The following MAGI2 variants were observed in gnomAD, a reference collection of about 807,000 sequenced individuals.
MAGI2 encodes the protein membrane-associated guanylate kinase, WW and PDZ domain-containing protein 2.
A neutral mutation model predicts 133.3 loss-of-function variants in MAGI2; 35 were observed. The observed-to-expected ratio is 0.26, with a 90% CI of 0.20 to 0.35. MAGI2 has a LOEUF of 0.35. Among genes scored for constraint, MAGI2 ranks in the 10% least tolerant of loss-of-function variants. The pLI is 1.00. For synonymous variants in MAGI2, 729 were observed against 710.6 expected (o/e 1.03, Z -0.41); for missense variants, 1,636 against 1,863.4 (o/e 0.88, Z 2.25).
intron 1 of MAGI2, among the ~76,000 whole-genome samples, chr7:79,171,972 G>A (rs1212164250): frequency 6.6e-6 from 1 of 151,162 alleles, no homozygotes; most frequent in African/African-American, 2.4e-5. Flanking sequence ...TGCCCTTACA[G>A]CTTTAGGCCT....
chr7:78,776,520 T>TA (rs1826001673), intron 2 of MAGI2, among the ~76,000 whole-genome samples: 1 of 152,236 alleles, frequency 6.6e-6, no homozygotes, highest in Non-Finnish European at 1.5e-5. Flanking sequence ...TCATTTTTCT[T>TA]AAAAAACAAT....
intron 2 of MAGI2, among the ~76,000 whole-genome samples, chr7:78,910,116 C>A (rs1003023179): frequency 6.6e-6 from 1 of 151,890 alleles, no homozygotes; most frequent in Non-Finnish European, 1.5e-5. Flanking sequence ...AGGGGAGCAA[C>A]ACATTCTGGG....
At chr7:79,173,145 A>T (rs1372478373) in intron 1 of MAGI2, among the ~76,000 whole-genome samples, 18 of 152,016 alleles carry the variant, frequency 1.2e-4, no homozygotes. Flanking sequence ...AAATAATAGA[A>T]AACATTTTAT....
At chr7:79,450,688 T>C in intron 1 of MAGI2, among the ~76,000 whole-genome samples, 1 of 152,146 alleles carries the variant, frequency 6.6e-6, no homozygotes, top group East Asian at 1.9e-4. Context: ...TAAAATTCAA[T>C]ACAAGAGTGA....
intron 1 of MAGI2, among the ~76,000 whole-genome samples, chr7:79,020,505 G>T (rs1198016395): frequency 6.6e-6 from 1 of 152,148 alleles, no homozygotes; most frequent in East Asian, 1.9e-4. Flanking sequence ...GGTGGCTGAT[G>T]CCTGTAATCC....
intron 1 of MAGI2, among the ~76,000 whole-genome samples, chr7:79,165,310 T>C (rs761108135): frequency 2.6e-5 from 4 of 151,960 alleles, no homozygotes; most frequent in Non-Finnish European, 5.9e-5. Context: ...GCTGTACTAA[T>C]AGAGATCCTC....
chr7:79,312,282 C>T (rs978173734), intron 1 of MAGI2, among the ~76,000 whole-genome samples: 13 of 152,130 alleles, frequency 8.5e-5, no homozygotes, highest in Non-Finnish European at 1.6e-4. Context: ...GATGATCTCC[C>T]CACCCACTAT....
intron 1 of MAGI2, among the ~76,000 whole-genome samples, chr7:79,021,892 A>G (rs6945664): frequency 0.59 from 89,358 of 151,984 alleles, 26,599 homozygotes; most frequent in East Asian, 0.63. Flanking sequence ...CAATATGTCA[A>G]GGGTGGGACC....
chr7:78,686,892 G>A (rs1374248554), intron 2 of MAGI2, among the ~76,000 whole-genome samples: 1 of 152,174 alleles, frequency 6.6e-6, no homozygotes, highest in Non-Finnish European at 1.5e-5. Context: ...TTCCCCTTCA[G>A]AGGTACTAAG....
chr7:78,426,523 G>A (rs1433998644), intron 6 of MAGI2, among the ~76,000 whole-genome samples: 1 of 152,010 alleles, frequency 6.6e-6, no homozygotes, highest in African/African-American at 2.4e-5. Context: ...GAGTTAGTGG[G>A]TGCAGCGCAC....
chr7:79,030,477 C>G (rs1401922023), intron 1 of MAGI2: 1 of 152,196 alleles, frequency 6.6e-6, no homozygotes, highest in Non-Finnish European at 1.5e-5. Context: ...GGCAACCTGA[C>G]AGACCACAGG....
chr7:78,622,136 G>C (rs1807813817), intron 3 of MAGI2, among the ~76,000 whole-genome samples: 1 of 152,010 alleles, frequency 6.6e-6, no homozygotes, highest in African/African-American at 2.4e-5. Context: ...TGAGCAAGAA[G>C]AAACAGGGTT....
At chr7:79,014,351 C>T (rs1330231612) in intron 1 of MAGI2, among the ~76,000 whole-genome samples, 1 of 152,038 alleles carries the variant, frequency 6.6e-6, no homozygotes, top group Non-Finnish European at 1.5e-5. Flanking sequence ...TCAGTACATG[C>T]CAGGCATCAT....
At chr7:78,265,455 A>G (rs191381455) in intron 9 of MAGI2, among the ~76,000 whole-genome samples, 114 of 152,338 alleles carry the variant, frequency 7.5e-4, no homozygotes, top group Middle Eastern at 3.4e-3. Context: ...TCATTTCTCT[A>G]AAGAATGTAG....
chr7:78,265,496 T>C (rs1271064851), intron 9 of MAGI2, among the ~76,000 whole-genome samples: 2 of 152,202 alleles, frequency 1.3e-5, no homozygotes, highest in African/African-American at 4.8e-5. Flanking sequence ...GCAAACATTT[T>C]ATCAGAGGGG....
chr7:79,214,938 T>C (rs947623556), intron 1 of MAGI2, among the ~76,000 whole-genome samples: 2 of 148,174 alleles, frequency 1.3e-5, no homozygotes, highest in African/African-American at 4.9e-5. Flanking sequence ...ATATATAACA[T>C]ATAAACATAT....
intron 21 of MAGI2, among the ~76,000 whole-genome samples, chr7:78,057,911 A>C (rs1199423767): frequency 7.4e-5 from 11 of 148,800 alleles, no homozygotes; most frequent in Admixed American, 7.3e-4. Context: ...GGAAAAGGCC[A>C]ACTGAACAGA....
chr7:78,888,330 A>G (rs896481982), intron 2 of MAGI2, among the ~76,000 whole-genome samples: 2 of 152,352 alleles, frequency 1.3e-5, no homozygotes, highest in East Asian at 3.9e-4. Context: ...AAAAGGCAGC[A>G]GAAACCTCTG....
chr7:79,196,253 T>C (rs1226026211), intron 1 of MAGI2, among the ~76,000 whole-genome samples: 2 of 151,990 alleles, frequency 1.3e-5, no homozygotes, highest in Non-Finnish European at 2.9e-5. Context: ...AGAGTTTAAA[T>C]GCAAGACATC....
Sources: allele counts gnomAD v4.1 joint callset (sites outside exome capture counted in the v4.1 genomes callset), GRCh38; gene constraint gnomAD v4.1.1; transcripts MANE v1.5; gene names NCBI Gene and HGNC (gene_info 2026-07-23, HGNC 2026-07-21).